The following OR6J1 variants were observed in gnomAD, a reference collection of about 807,000 sequenced individuals.
OR6J1 encodes the protein olfactory receptor family 6 subfamily J member 1.
For missense variants in OR6J1, 304 were observed against 166.8 expected (o/e 1.82, Z -4.53); for synonymous variants, 109 against 70.0 (o/e 1.56, Z -2.78).
rs71421136 is a variant in OR6J1, at chr14:22,643,762, C to CAGAGAGAG, written c.-28+335_-28+336insCTCTCTCT. Among the ~76,000 whole-genome samples the CAGAGAGAG allele has an allele frequency of 9.1e-3, 482 of 53,044 alleles. 3 individuals are homozygous for CAGAGAGAG. The highest frequency in any genetic ancestry group is 0.019 in the African/African-American group (262 of 13,752). 34.8% of individuals were successfully genotyped at this position (53,044 alleles called of 152,430 possible). On this transcript the variant is annotated intron_variant, in intron 1 of 1. Transcript: ENST00000540461. ...ACACACACACACACACACACACACA[C>CAGAGAGAG]ACAGAGAGAGAGAGAGAGAGAGAGA...
chr14:22,634,836 C>A lies in OR6J1; in HGVS notation c.-25G>T, dbSNP rs566466386. ...TGGGCCTGGTGGGCCTGGCTCAATTCTCCTAACAGAACAAAGGGAGATAAC... is the reference window on the plus strand; with the variant it reads ...TGGGCCTGGTGGGCCTGGCTCAATTATCCTAACAGAACAAAGGGAGATAAC... On this transcript the variant is annotated splice_region_variant and 5_prime_UTR_variant, in exon 2 of 2. Coordinates refer to ENST00000540461, the MANE Select transcript of OR6J1 (RefSeq NM_001348233.2). 3.1e-6 allele frequency: 2 copies of A among 655,614 alleles called. No homozygotes were observed. The highest frequency in any genetic ancestry group is 3.4e-5 in the South Asian group (2 of 57,976). The allele number at this position is 655,614 out of a possible 1,614,324, so 40.6% of individuals were successfully genotyped here. A position where few individuals can be genotyped will look rare whatever the true frequency, so the allele number is the denominator to read the frequency against.
intron 1 of OR6J1, among the ~76,000 whole-genome samples, chr14:22,643,758 CACACACAG>C (rs1386078759): frequency 3.1e-3 from 186 of 60,662 alleles, no homozygotes; most frequent in African/African-American, 6.3e-3. Context: ...CACACACACA[CACACACAG>C]AGAGAGAGAG....
At chr14:22,636,856 C>T (rs1349967838) in intron 1 of OR6J1, among the ~76,000 whole-genome samples, 1 of 117,250 alleles carries the variant, frequency 8.5e-6, no homozygotes, top group Non-Finnish European at 1.7e-5. Context: ...AAGTGAGGAG[C>T]GTCTCTGCTT....
At chr14:22,636,548 TTGCAGGCGCAC>T (rs2037588005) in intron 1 of OR6J1, among the ~76,000 whole-genome samples, 1 of 114,580 alleles carries the variant, frequency 8.7e-6, no homozygotes, top group Non-Finnish European at 1.7e-5. Context: ...GTGCCTGCGA[TTGCAGGCGCAC>T]GCCGCCACGC....
intron 1 of OR6J1, among the ~76,000 whole-genome samples, chr14:22,639,895 A>G (rs2037629589): frequency 1.7e-5 from 2 of 116,866 alleles, no homozygotes; most frequent in South Asian, 2.6e-4. Flanking sequence ...ACCTTTGTTC[A>G]CTTGTTTATC....
rs1393099413 is a variant in OR6J1 at position 22,644,239 on chromosome 14, G to A, written c.-169C>T. 2 of 152,262 alleles carry A rather than the reference G, an allele frequency of 1.3e-5. No individual in the cohort carries two copies. Among genetic ancestry groups the A allele is most frequent in the African/African-American group, 4.8e-5 (2 of 41,456 alleles). The allele number at this position is 152,262 out of a possible 1,614,324, so 9.4% of individuals were successfully genotyped here. A position where few individuals can be genotyped will look rare whatever the true frequency, so the allele number is the denominator to read the frequency against. Reference sequence around the variant, plus strand: ...ATGAGAGCAGCAGTGTTTGACAGGTGAAATGAGCCCTTCCCAACTCATGTG... The same window carrying A: ...ATGAGAGCAGCAGTGTTTGACAGGTAAAATGAGCCCTTCCCAACTCATGTG... On this transcript the variant is annotated 5_prime_UTR_variant, in exon 1 of 2. Transcript: ENST00000540461.
At position 22,633,322 on chromosome 14, in the gene OR6J1, C is replaced by A; in HGVS notation, c.*446G>T. The A allele has an allele frequency of 7.0e-6, 1 of 142,814 alleles. No individual in the cohort carries two copies. Among genetic ancestry groups the A allele is most frequent in the Non-Finnish European group, 1.5e-5 (1 of 66,308 alleles). The allele number at this position is 142,814 out of a possible 1,614,324, so 8.8% of individuals were successfully genotyped here. A position where few individuals can be genotyped will look rare whatever the true frequency, so the allele number is the denominator to read the frequency against. Reference sequence around the variant, plus strand: ...GCACCCAACACAATCATTGCAAATGCCCGAAAAAAAAATGGATATGATAGT... The same window carrying A: ...GCACCCAACACAATCATTGCAAATGACCGAAAAAAAAATGGATATGATAGT... On this transcript the variant is annotated 3_prime_UTR_variant, in exon 2 of 2. Transcript: ENST00000540461.
chr14:22,636,693 G>A, intron 1 of OR6J1, among the ~76,000 whole-genome samples: 1 of 117,296 alleles, frequency 8.5e-6, no homozygotes, highest in East Asian at 2.2e-4. Context: ...CGGGATTGCG[G>A]ACGGAGTCTC....
chr14:22,637,214 G>A (rs1337505624), intron 1 of OR6J1, among the ~76,000 whole-genome samples: 1 of 93,112 alleles, frequency 1.1e-5, no homozygotes, highest in South Asian at 3.0e-4. Context: ...CCCTCCGTCC[G>A]GCAGCCACCC....
At position 22,634,358 on chromosome 14, in the gene OR6J1, AG is replaced by A. The variant is rs1034359355; in HGVS notation, c.453del (p.Phe152SerfsTer45). The A allele has an allele frequency of 1.4e-6, 1 of 703,342 alleles. No homozygotes were observed. The highest frequency in any genetic ancestry group is 2.6e-6 in the Non-Finnish European group (1 of 384,988). The allele number at this position is 703,342 out of a possible 1,614,324, so 43.6% of individuals were successfully genotyped here. On this transcript the variant is annotated frameshift_variant, in exon 2 of 2. Transcript: ENST00000540461. LOFTEE classifies it low-confidence loss of function (END_TRUNC). ...IGTVVFSWVG[G>X]FLSVLFPTIL... ...ATGGTTGGAAAGAGCACAGACAGGA[AG>A]CCTCCCACCCAAGAGAATACAACGG...
intron 1 of OR6J1, among the ~76,000 whole-genome samples, chr14:22,640,108 T>A (rs1262633407): frequency 6.7e-6 from 1 of 150,134 alleles, no homozygotes; most frequent in Non-Finnish European, 1.5e-5. Flanking sequence ...TGTGACCCAA[T>A]AATTCTACTC....
At chr14:22,643,764 C>CACACACACACAGAGAGAGAGAGAGAG (rs1466950724) in intron 1 of OR6J1, among the ~76,000 whole-genome samples, 2 of 37,694 alleles carry the variant, frequency 5.3e-5, no homozygotes, top group Non-Finnish European at 1.0e-4. Context: ...CACACACACA[C>CACACACACACAGAGAGAGAGAGAGAG]AGAGAGAGAG....
chr14:22,639,912 C>A (rs2037629902), intron 1 of OR6J1, among the ~76,000 whole-genome samples: 1 of 96,312 alleles, frequency 1.0e-5, no homozygotes, highest in Admixed American at 9.3e-5. Flanking sequence ...TATCTGCTGA[C>A]CTTCCCTCCA....
At chr14:22,636,743 T>C (rs1294811644) in intron 1 of OR6J1, among the ~76,000 whole-genome samples, 4 of 116,758 alleles carry the variant, frequency 3.4e-5, no homozygotes, top group South Asian at 4.9e-4. Context: ...TGGAGTGCAG[T>C]GGCGTGATCT....
rs1360221902 is a variant in OR6J1, at chr14:22,633,759, C to T, written c.*9G>A. The T allele has an allele frequency of 4.5e-6, 3 of 660,672 alleles. No individual in the cohort carries two copies. The highest frequency in any genetic ancestry group is 2.3e-5 in the Admixed American group (1 of 43,170). 40.9% of individuals were successfully genotyped at this position (660,672 alleles called of 1,614,324 possible). A position where few individuals can be genotyped will look rare whatever the true frequency, so the allele number is the denominator to read the frequency against. ...AGCTCACTCTTTCACTAAGGCAGCTCCTCTCTTTCTAACACTGGAGCTTTA... is the reference window on the plus strand; with the variant it reads ...AGCTCACTCTTTCACTAAGGCAGCTTCTCTCTTTCTAACACTGGAGCTTTA... On this transcript the variant is annotated 3_prime_UTR_variant, in exon 2 of 2. Coordinates refer to ENST00000540461, the MANE Select transcript of OR6J1 (RefSeq NM_001348233.2).
chr14:22,641,636 A>G (rs890727955), intron 1 of OR6J1, among the ~76,000 whole-genome samples: 6 of 152,310 alleles, frequency 3.9e-5, no homozygotes, highest in South Asian at 2.1e-4. Flanking sequence ...TTGAAAATGT[A>G]TATTAGCAAA....
chr14:22,637,717 C>A (rs1461027454), intron 1 of OR6J1, among the ~76,000 whole-genome samples: 3 of 81,892 alleles, frequency 3.7e-5, no homozygotes, highest in African/African-American at 7.2e-5. Flanking sequence ...CCAGCCGCCC[C>A]GTCCGGGAGG....
rs1480289808 is a variant in OR6J1, at chr14:22,631,560, G to C, written c.*2208C>G. The C allele has an allele frequency of 6.6e-6, 1 of 152,158 alleles. No homozygotes were observed. The highest frequency in any genetic ancestry group is 1.5e-5 in the Non-Finnish European group (1 of 68,040). The allele number at this position is 152,158 out of a possible 1,614,324, so 9.4% of individuals were successfully genotyped here. A position where few individuals can be genotyped will look rare whatever the true frequency, so the allele number is the denominator to read the frequency against. ...TGCTGTTATCCTGTTCTTTTTCCAA[G>C]GTGCCCAGATTTCGTATTTGTTCAA... On this transcript the variant is annotated 3_prime_UTR_variant, in exon 2 of 2. Transcript: ENST00000540461.
At position 22,633,991 on chromosome 14, in the gene OR6J1, A is replaced by T. The variant is rs1681597; in HGVS notation, c.821T>A (p.Leu274Ter). 6 of 702,652 alleles carry T rather than the reference A, an allele frequency of 8.5e-6. No homozygotes were observed. The highest frequency in any genetic ancestry group is 1.3e-5 in the Non-Finnish European group (5 of 384,832). The allele number at this position is 702,652 out of a possible 1,614,324, so 43.5% of individuals were successfully genotyped here. A position where few individuals can be genotyped will look rare whatever the true frequency, so the allele number is the denominator to read the frequency against. ...TGGAGTCACCACACTGCTCAGAACC[A>T]AAGGGATCTTGTTGATCTCCAGATA... Reference protein sequence around the residue: ...KEYLEINKIPLVLSSVVTPFL... With the variant: ...KEYLEINKIP Residue 274 changes from leucine to a stop codon, truncating the protein, a stop_gained, in exon 2 of 2, where the codon TTG becomes TAG. Transcript: ENST00000540461. LOFTEE classifies it low-confidence loss of function (END_TRUNC).
Sources: gnomAD v4.1 joint callset for allele counts (sites outside exome capture counted in the v4.1 genomes callset) on GRCh38, gnomAD v4.1.1 for gene constraint, MANE v1.5 for transcripts, NCBI Gene and HGNC (gene_info 2026-07-23, HGNC 2026-07-21) for gene names.